Variants in GRM5 observed in about 807,000 individuals in gnomAD.
The protein encoded by GRM5 is glutamate metabotropic receptor 5, also known as metabotropic glutamate receptor 5.
GRM5 carries 19 observed loss-of-function variants against 83.1 expected under a neutral mutation model. That is an observed-to-expected ratio of 0.23 (90% confidence interval 0.16 to 0.34). GRM5 has a LOEUF of 0.34. Ranked by LOEUF, GRM5 falls within the 10% of genes least tolerant of loss-of-function variation. The pLI, the probability that GRM5 is intolerant of heterozygous loss-of-function variation, is 1.00. For missense variants in GRM5, 1,160 were observed against 1,588.3 expected, an observed-to-expected ratio of 0.73 and a Z score of 4.58; for synonymous variants, 675 against 633.6, an observed-to-expected ratio of 1.07 and a Z score of -0.98.
chr11:88,766,031 A>G (rs1942619245), intron 3 of GRM5, among the ~76,000 whole-genome samples: 1 of 151,804 alleles, frequency 6.6e-6, no homozygotes, highest in South Asian at 2.1e-4. Context: ...AAGAACTTGA[A>G]TAGAGATTTA....
chr11:88,766,969 T>C (rs934968340), intron 3 of GRM5, among the ~76,000 whole-genome samples: 2 of 151,926 alleles, frequency 1.3e-5, no homozygotes, highest in African/African-American at 4.8e-5. Flanking sequence ...CACTAATCGT[T>C]AGAAAAATGC....
intron 8 of GRM5, among the ~76,000 whole-genome samples, chr11:88,539,784 G>T (rs576492764): frequency 2.6e-5 from 4 of 152,172 alleles, no homozygotes; most frequent in African/African-American, 7.2e-5. Context: ...ACGCTGCTGC[G>T]ATTTAGGCTG....
intron 7 of GRM5, among the ~76,000 whole-genome samples, chr11:88,574,523 C>T (rs922295332): frequency 2.0e-5 from 3 of 152,106 alleles, no homozygotes; most frequent in African/African-American, 7.2e-5. Flanking sequence ...AATCCCAGCA[C>T]TTTGGGAGGC....
rs1019251334 is a variant in GRM5, at chr11:88,646,208, C to T, written c.1147+6960G>A. Among the ~76,000 whole-genome samples the T allele has an allele frequency of 7.2e-5, 11 of 151,854 alleles. 1 individual carries two copies. Among genetic ancestry groups the T allele is most frequent in the Non-Finnish European group, 1.3e-4 (9 of 67,928 alleles). On this transcript the variant is annotated intron_variant, in intron 4 of 9. Transcript: ENST00000305447. ...AAACCATCCTTAAAAAATAGAATAG[C>T]ATAGTTATTAGGAAACAGTTTTAAC...
intron 2 of GRM5, among the ~76,000 whole-genome samples, chr11:88,918,116 T>C (rs571768343): frequency 6.6e-6 from 1 of 151,256 alleles, no homozygotes; most frequent in East Asian, 2.0e-4. Flanking sequence ...GGAGCACCAA[T>C]ACATCTGGCA....
chr11:88,654,239 T>A (rs1939711015), intron 3 of GRM5, among the ~76,000 whole-genome samples: 2 of 152,018 alleles, frequency 1.3e-5, no homozygotes, highest in African/African-American at 2.4e-5. Context: ...GAGGAGAGTA[T>A]AACAGAATAA....
intron 2 of GRM5, among the ~76,000 whole-genome samples, chr11:88,884,209 AG>A (rs1945005908): frequency 6.6e-6 from 1 of 152,224 alleles, no homozygotes; most frequent in African/African-American, 2.4e-5. Context: ...AGTTGCCCCA[AG>A]ACATAGGAAC....
intron 3 of GRM5, among the ~76,000 whole-genome samples, chr11:88,833,192 G>A (rs1944026084): frequency 6.6e-6 from 1 of 151,878 alleles, no homozygotes; most frequent in Admixed American, 6.6e-5. Flanking sequence ...TTGAATGGAA[G>A]AAAATATTTG....
intron 3 of GRM5, among the ~76,000 whole-genome samples, chr11:88,707,015 G>C (rs750554917): frequency 6.6e-6 from 1 of 152,004 alleles, no homozygotes; most frequent in South Asian, 2.1e-4. Flanking sequence ...ATTTCTGCTG[G>C]AAGTGCTCCA....
At chr11:88,788,436 A>G (rs1943113804) in intron 3 of GRM5, among the ~76,000 whole-genome samples, 1 of 152,172 alleles carries the variant, frequency 6.6e-6, no homozygotes, top group Non-Finnish European at 1.5e-5. Context: ...CATGGAAAAA[A>G]ATGGGATGGT....
At chr11:89,031,916 A>G (rs1325367856) in intron 2 of GRM5, among the ~76,000 whole-genome samples, 2 of 152,098 alleles carry the variant, frequency 1.3e-5, no homozygotes, top group Non-Finnish European at 2.9e-5. Context: ...GGACTCGAGA[A>G]GTTACAGTTG....
chr11:88,764,353 G>T (rs1942585237), intron 3 of GRM5, among the ~76,000 whole-genome samples: 2 of 151,582 alleles, frequency 1.3e-5, no homozygotes, highest in Non-Finnish European at 3.0e-5. Context: ...CCAACTAGAT[G>T]TAACAGACAT....
chr11:88,927,594 T>C (rs1405943063), intron 2 of GRM5, among the ~76,000 whole-genome samples: 1 of 152,148 alleles, frequency 6.6e-6, no homozygotes, highest in African/African-American at 2.4e-5. Flanking sequence ...ACTTTGTCTC[T>C]TGGCAACCAG....
intron 3 of GRM5, among the ~76,000 whole-genome samples, chr11:88,678,552 A>G (rs562302130): frequency 6.6e-6 from 1 of 152,154 alleles, no homozygotes; most frequent in African/African-American, 2.4e-5. Flanking sequence ...CATCTCTTCA[A>G]CTGCATTTAT....
At chr11:88,971,768 A>G (rs1939171073) in intron 2 of GRM5, among the ~76,000 whole-genome samples, 1 of 152,050 alleles carries the variant, frequency 6.6e-6, no homozygotes. Context: ...TCTTTAGAGG[A>G]CATACATGTA....
intron 3 of GRM5, among the ~76,000 whole-genome samples, chr11:88,805,133 T>G (rs917366959): frequency 2.8e-4 from 43 of 152,192 alleles, no homozygotes; most frequent in African/African-American, 1.0e-3. Context: ...TTGTATCAAC[T>G]TTCACATGCA....
intron 2 of GRM5, chr11:88,911,801 T>C (rs949029275): frequency 1.3e-5 from 4 of 306,604 alleles, no homozygotes; most frequent in Non-Finnish European, 2.7e-5. Context: ...CTGTGCTTAC[T>C]TTAAATACAG....
At chr11:88,828,852 A>G (rs189169330) in intron 3 of GRM5, among the ~76,000 whole-genome samples, 1 of 152,196 alleles carries the variant, frequency 6.6e-6, no homozygotes, top group East Asian at 1.9e-4. Flanking sequence ...TCAAAAATAT[A>G]CTAACGAAAT....
chr11:88,877,893 AT>A (rs1227372135), intron 2 of GRM5, among the ~76,000 whole-genome samples: 1 of 151,956 alleles, frequency 6.6e-6, no homozygotes, highest in African/African-American at 2.4e-5. Flanking sequence ...ATTGGGAGAG[AT>A]ATCTAATGCT....
Sources: allele counts gnomAD v4.1 joint callset (sites outside exome capture counted in the v4.1 genomes callset), GRCh38; gene constraint gnomAD v4.1.1; transcripts MANE v1.5; gene names NCBI Gene and HGNC (gene_info 2026-07-23, HGNC 2026-07-21).